The following ODR4 variants were observed in gnomAD, a reference collection of about 807,000 sequenced individuals.
The protein encoded by ODR4 is protein odr-4 homolog.
Under a neutral mutation model 60.2 loss-of-function variants are expected in ODR4, and 47 were observed. That is an observed-to-expected ratio of 0.78 (90% confidence interval 0.62 to 1.00). ODR4 has a LOEUF of 1.00. ODR4 is among the 50% of genes least tolerant of loss of function. ODR4 has a pLI of 0.00. For synonymous variants in ODR4, 178 were observed against 175.5 expected, an observed-to-expected ratio of 1.01 and a Z score of -0.11; for missense variants, 488 against 530.8, an observed-to-expected ratio of 0.92 and a Z score of 0.79.
downstream of ODR4, among the ~76,000 whole-genome samples, chr1:186,422,150 A>AT (rs1661800635): frequency 6.6e-6 from 1 of 152,038 alleles, no homozygotes; most frequent in Non-Finnish European, 1.5e-5. Flanking sequence ...GTAAAAAAAA[A>AT]ATTTTTTTTA....
intron 8 of ODR4, among the ~76,000 whole-genome samples, chr1:186,393,633 T>C (rs1198501038): frequency 6.6e-6 from 1 of 152,226 alleles, no homozygotes. Context: ...CTACAGGAGA[T>C]ACATAAGTGA....
intron 3 of ODR4, 75 bp downstream of exon 3, chr1:186,383,231 G>T: frequency 1.4e-6 from 2 of 1,440,252 alleles, no homozygotes; most frequent in South Asian, 1.4e-5. Context: ...TTTAGTGAAT[G>T]AGTAGAGAGA....
the ODR4 span, among the ~76,000 whole-genome samples, chr1:186,432,009 G>T: frequency 2.6e-5 from 4 of 152,094 alleles, no homozygotes; most frequent in Non-Finnish European, 5.9e-5. Flanking sequence ...AGTTTTTGAG[G>T]ATGTTAGATT....
intron 11 of ODR4, among the ~76,000 whole-genome samples, chr1:186,404,260 C>T (rs1298793175): frequency 6.6e-6 from 1 of 152,144 alleles, no homozygotes; most frequent in Non-Finnish European, 1.5e-5. Flanking sequence ...CAAAAGATTT[C>T]TCCTCCCATT....
intron 7 of ODR4, among the ~76,000 whole-genome samples, chr1:186,391,178 T>C (rs1024977375): frequency 1.3e-5 from 2 of 152,142 alleles, no homozygotes; most frequent in Admixed American, 1.3e-4. Flanking sequence ...TTAATTAACA[T>C]GTAAAATGTA....
downstream of ODR4, chr1:186,421,454 A>G (rs1212004842): frequency 1.3e-5 from 2 of 152,212 alleles, no homozygotes; most frequent in Admixed American, 6.5e-5. Context: ...GATTGGAATT[A>G]GAGTGGTCTG....
chr1:186,417,188 C>G (rs1661607465), intron 12 of ODR4, among the ~76,000 whole-genome samples: 1 of 152,070 alleles, frequency 6.6e-6, no homozygotes, highest in South Asian at 2.1e-4. Context: ...GTCTTGAACT[C>G]CTGAGCTCAG....
chr1:186,389,302 C>T (rs542167304), intron 5 of ODR4, among the ~76,000 whole-genome samples: 36 of 152,116 alleles, frequency 2.4e-4, no homozygotes, highest in African/African-American at 7.7e-4. Flanking sequence ...AAGAATCTCA[C>T]GAGTGCTTTG....
chr1:186,408,297 G>A (rs1661244132), intron 12 of ODR4, among the ~76,000 whole-genome samples: 1 of 152,006 alleles, frequency 6.6e-6, no homozygotes, highest in South Asian at 2.1e-4. Flanking sequence ...TTGTGTAGGA[G>A]CTAAATAATG....
At chr1:186,387,312 C>G (rs1256303214) in intron 4 of ODR4, among the ~76,000 whole-genome samples, 1 of 152,116 alleles carries the variant, frequency 6.6e-6, no homozygotes, top group Non-Finnish European at 1.5e-5. Flanking sequence ...ACCTTGTTTA[C>G]AATTGTTCAT....
At chr1:186,411,138 G>GAT (rs1558094695) in intron 12 of ODR4, among the ~76,000 whole-genome samples, 1 of 151,822 alleles carries the variant, frequency 6.6e-6, no homozygotes, top group Non-Finnish European at 1.5e-5. Context: ...TTTGAGCACC[G>GAT]ATATGATGCT....
At chr1:186,424,972 GAAAAAA>G, downstream of ODR4, among the ~76,000 whole-genome samples, 1 of 127,654 alleles carries the variant, frequency 7.8e-6, no homozygotes, top group South Asian at 2.5e-4. Flanking sequence ...CTAGATTAAA[GAAAAAA>G]AAAAAAAACC....
At chr1:186,434,668 A>G in the ODR4 span, among the ~76,000 whole-genome samples, 46 of 152,192 alleles carry the variant, frequency 3.0e-4, 1 homozygote, top group Non-Finnish European at 2.9e-5. Context: ...TGACATCTTT[A>G]TTTATTTTTA....
chr1:186,428,604 G>A, the ODR4 span, among the ~76,000 whole-genome samples: 9 of 152,202 alleles, frequency 5.9e-5, no homozygotes, highest in East Asian at 1.7e-3. Context: ...CAACTTGGCT[G>A]TTTGTTGCAA....
chr1:186,381,574 G>A (rs541245372), intron 2 of ODR4, among the ~76,000 whole-genome samples: 4 of 152,128 alleles, frequency 2.6e-5, no homozygotes, highest in Non-Finnish European at 5.9e-5. Flanking sequence ...TGATCCGCCT[G>A]CCTCGGCCTC....
At chr1:186,397,463 T>G (rs1204520055) in intron 9 of ODR4, among the ~76,000 whole-genome samples, 2 of 152,160 alleles carry the variant, frequency 1.3e-5, no homozygotes, top group Non-Finnish European at 2.9e-5. Context: ...CTATTACAGG[T>G]TGAGTGTGCC....
intron 12 of ODR4, among the ~76,000 whole-genome samples, chr1:186,416,528 C>T (rs920755462): frequency 6.6e-6 from 1 of 151,992 alleles, no homozygotes; most frequent in African/African-American, 2.4e-5. Context: ...AAAAGTTAGT[C>T]GGGCATAGTG....
chr1:186,391,016 A>T (rs1660448296), intron 7 of ODR4, among the ~76,000 whole-genome samples, 165 bp downstream of exon 7: 1 of 152,214 alleles, frequency 6.6e-6, no homozygotes, highest in Admixed American at 6.5e-5. Context: ...ATTTTTAGAA[A>T]TTTTTAGAAG....
intron 6 of ODR4, 123 bp downstream of exon 6, chr1:186,389,747 G>A: frequency 3.1e-6 from 2 of 642,326 alleles, no homozygotes; most frequent in South Asian, 4.4e-5. Context: ...ACAAACAACT[G>A]TAGTTTTTAT....
Sources: gnomAD v4.1 joint callset for allele counts (sites outside exome capture counted in the v4.1 genomes callset) on GRCh38, gnomAD v4.1.1 for gene constraint, MANE v1.5 for transcripts, NCBI Gene and HGNC (gene_info 2026-07-23, HGNC 2026-07-21) for gene names.